The following MARK4 variants were observed in gnomAD, a reference collection of about 807,000 sequenced individuals.
MARK4 encodes microtubule affinity regulating kinase 4.
In MARK4, 19 loss-of-function variants were observed where a neutral mutation model predicts 81.5. The observed-to-expected ratio is 0.23, with a 90% CI of 0.16 to 0.34. The LOEUF (loss-of-function observed/expected upper bound fraction) is 0.34. Ranked by LOEUF, MARK4 falls within the 10% of genes least tolerant of loss-of-function variation. The probability of loss-of-function intolerance (pLI) is 1.00; values close to 1 mark genes in which losing one functional copy is unlikely to be tolerated. For missense variants in MARK4, 772 were observed against 1,058.8 expected, an observed-to-expected ratio of 0.73 and a Z score of 3.76; for synonymous variants, 436 against 439.0, an observed-to-expected ratio of 0.99 and a Z score of 0.08.
chr19:45,263,467 C>A lies in MARK4; in HGVS notation c.355+100C>A. On this transcript the variant is annotated intron_variant, in intron 4 of 16. Coordinates refer to ENST00000262891, the MANE Select transcript of MARK4 (RefSeq NM_001199867.2). ...TTAGAATAGTTGGAGACCCACCAGGCGCAGTGGCTCACTCCTGTAATCCCA... is the reference window on the plus strand; with the variant it reads ...TTAGAATAGTTGGAGACCCACCAGGAGCAGTGGCTCACTCCTGTAATCCCA... 1.0e-5 allele frequency: 15 copies of A among 1,462,570 alleles called. 1 individual carries two copies. In the South Asian group the frequency reaches 1.7e-4, roughly 17 times the overall value. The allele number at this position is 1,462,570 out of a possible 1,614,324, so 90.6% of individuals were successfully genotyped here.
At chr19:45,276,653 T>G (rs1361405452) in intron 8 of MARK4, among the ~76,000 whole-genome samples, 1 of 138,940 alleles carries the variant, frequency 7.2e-6, no homozygotes, top group Non-Finnish European at 1.5e-5. Context: ...TGAGATGGAG[T>G]CTTGCTCTGC....
intron 8 of MARK4, among the ~76,000 whole-genome samples, chr19:45,276,057 G>T (rs369561109): frequency 6.6e-6 from 1 of 151,886 alleles, no homozygotes; most frequent in Non-Finnish European, 1.5e-5. Context: ...TTGAGACAAG[G>T]TCTCAGTCAC....
intron 2 of MARK4, among the ~76,000 whole-genome samples, chr19:45,261,669 C>T (rs539887361): frequency 1.3e-5 from 2 of 152,296 alleles, no homozygotes; most frequent in South Asian, 4.1e-4. Context: ...TGCGGTGGCT[C>T]ATGCCTGTAA....
At chr19:45,287,931 TTAAGTGCTTTTAAA>T in intron 13 of MARK4, 1 of 508,312 alleles carries the variant, frequency 2.0e-6, no homozygotes. Context: ...ATACAGGAAA[TTAAGTGCTTTTAAA>T]AATGTGGGAA....
chr19:45,281,367 C>CTTCTTTT (rs1555765362), intron 12 of MARK4, among the ~76,000 whole-genome samples: 1 of 132,056 alleles, frequency 7.6e-6, no homozygotes, highest in Non-Finnish European at 1.6e-5. Flanking sequence ...TCTTTTCTTT[C>CTTCTTTT]TTTTTTTTTT....
intron 1 of MARK4, among the ~76,000 whole-genome samples, chr19:45,258,448 A>G (rs1256592648): frequency 6.6e-6 from 1 of 152,036 alleles, no homozygotes; most frequent in African/African-American, 2.4e-5. Context: ...GGTGGCTCAC[A>G]TCTGTAATCC....
chr19:45,298,425 G>C (rs1970921889), intron 15 of MARK4, among the ~76,000 whole-genome samples: 1 of 152,164 alleles, frequency 6.6e-6, no homozygotes, highest in South Asian at 2.1e-4. Context: ...CCTTGAGCAA[G>C]TCACTCAAGG....
At chr19:45,284,175 A>ATT (rs1458644614) in intron 12 of MARK4, among the ~76,000 whole-genome samples, 5 of 151,634 alleles carry the variant, frequency 3.3e-5, no homozygotes, top group Admixed American at 1.3e-4. Context: ...TGCCCAGCTA[A>ATT]TTTTGTATTT....
intron 14 of MARK4, among the ~76,000 whole-genome samples, chr19:45,296,154 G>C (rs898047122): frequency 6.6e-6 from 1 of 152,056 alleles, no homozygotes; most frequent in African/African-American, 2.4e-5. Context: ...AATCACTGTA[G>C]TACATGGCCT....
intron 8 of MARK4, among the ~76,000 whole-genome samples, chr19:45,276,085 G>T (rs1264940051): frequency 6.6e-6 from 1 of 152,188 alleles, no homozygotes; most frequent in Non-Finnish European, 1.5e-5. Context: ...GGAGGGCAGT[G>T]GTGCAGTCAC....
rs751192393 is a variant in MARK4 at position 45,294,479 on chromosome 19, G to T, written c.1598+27G>T. 7 of 1,598,660 alleles carry T rather than the reference G, an allele frequency of 4.4e-6. No individual in the cohort carries two copies. In the African/African-American group the frequency reaches 8.0e-5, roughly 18 times the overall value. On this transcript the variant is annotated intron_variant, in intron 14 of 16. Transcript: ENST00000262891. ...TACGGAGGGGGCAGCAACAGGGTGAGGGGTGGGAAGTAGGGGGTAGGTGAA... is the reference window on the plus strand; with the variant it reads ...TACGGAGGGGGCAGCAACAGGGTGATGGGTGGGAAGTAGGGGGTAGGTGAA...
At chr19:45,292,334 G>C (rs182893641) in intron 13 of MARK4, among the ~76,000 whole-genome samples, 1 of 152,246 alleles carries the variant, frequency 6.6e-6, no homozygotes, top group Admixed American at 6.5e-5. Context: ...AAGCCACGTA[G>C]AGTTTGAATT....
At chr19:45,253,675 A>G (rs1484808306) in intron 1 of MARK4, among the ~76,000 whole-genome samples, 1 of 152,034 alleles carries the variant, frequency 6.6e-6, no homozygotes, top group African/African-American at 2.4e-5. Flanking sequence ...CTTATCTCTA[A>G]ATCGGGTTGA....
intron 13 of MARK4, among the ~76,000 whole-genome samples, chr19:45,291,592 C>A (rs1292154701): frequency 6.6e-6 from 1 of 152,118 alleles, no homozygotes; most frequent in African/African-American, 2.4e-5. Context: ...ACCATCCTGG[C>A]TAACACGGTG....
intron 1 of MARK4, among the ~76,000 whole-genome samples, chr19:45,252,686 C>G (rs887944899): frequency 6.6e-6 from 1 of 152,158 alleles, no homozygotes; most frequent in Admixed American, 6.5e-5. Flanking sequence ...ACTCCTGGAC[C>G]TGAAGCCTCT....
At chr19:45,287,210 A>G (rs1332687155) in intron 12 of MARK4, among the ~76,000 whole-genome samples, 1 of 151,858 alleles carries the variant, frequency 6.6e-6, no homozygotes, top group African/African-American at 2.4e-5. Flanking sequence ...CTCAAAAAAA[A>G]AAAAAAAAAA....
At chr19:45,255,914 C>G (rs1193943696) in intron 1 of MARK4, among the ~76,000 whole-genome samples, 1 of 152,230 alleles carries the variant, frequency 6.6e-6, no homozygotes, top group East Asian at 1.9e-4. Flanking sequence ...CCTGGGGCTT[C>G]CAATCAGGCC....
chr19:45,288,749 G>A (rs1970781590), intron 13 of MARK4, among the ~76,000 whole-genome samples: 1 of 149,050 alleles, frequency 6.7e-6, no homozygotes, highest in Non-Finnish European at 1.5e-5. Flanking sequence ...ACTCTGGAGG[G>A]TGAGGCAGGA....
At position 45,303,520 on chromosome 19, in the gene MARK4, C is replaced by G. The variant is rs1303456008; in HGVS notation, c.*810C>G. ...GTGGGGGTGGGAAGGTAAGGATGGT[C>G]GTGGAAGAAGGCAGGATGGAACTCG... is the stretch of plus-strand genomic sequence containing the variant. On this transcript the variant is annotated 3_prime_UTR_variant, in exon 17 of 17. Transcript: ENST00000262891. The G allele has an allele frequency of 3.3e-5, 5 of 152,042 alleles. No homozygotes were observed. Among genetic ancestry groups the G allele is most frequent in the East Asian group, 3.9e-4 (2 of 5,182 alleles). The allele number at this position is 152,042 out of a possible 1,614,324, so 9.4% of individuals were successfully genotyped here. A position where few individuals can be genotyped will look rare whatever the true frequency, so the allele number is the denominator to read the frequency against.
Sources: allele counts gnomAD v4.1 joint callset (sites outside exome capture counted in the v4.1 genomes callset), GRCh38; gene constraint gnomAD v4.1.1; transcripts MANE v1.5; gene names NCBI Gene and HGNC (gene_info 2026-07-23, HGNC 2026-07-21).